Variants in ZNF385C observed in about 807,000 individuals in gnomAD.
ZNF385C encodes zinc finger protein 385C, also known as CTD-2132N18.2.
ZNF385C carries 28 observed loss-of-function variants against 35.4 expected under a neutral mutation model. The observed-to-expected ratio is 0.79, with a 90% confidence interval of 0.59 to 1.08. The LOEUF (loss-of-function observed/expected upper bound fraction) is 1.08, where lower values mean the gene tolerates loss of function less well. Ranked by LOEUF, ZNF385C falls within the 50% of genes least tolerant of loss-of-function variation. The probability of loss-of-function intolerance (pLI) is 0.00; values close to 1 mark genes in which losing one functional copy is unlikely to be tolerated. For missense variants in ZNF385C, 605 were observed against 595.6 expected, an observed-to-expected ratio of 1.02 and a Z score of -0.16; for synonymous variants, 248 against 248.2, an observed-to-expected ratio of 1.00 and a Z score of 0.01.
rs901268147 is a variant in ZNF385C at position 42,031,683 on chromosome 17, A to G, written c.612T>C (p.Asp204=). ...SKQRPHTQAQ[D]GAVVSPIPTL... ...TTGGGATTGGGGACACTACAGCCCC[A>G]TCCTGGGCCTGGGTGTGTGGCCTCT... is the stretch of plus-strand genomic sequence containing the variant. Residue 204 remains aspartate, a synonymous_variant, in exon 5 of 9, where the codon GAT becomes GAC. Coordinates refer to ENST00000692273, the MANE Select transcript of ZNF385C (RefSeq NM_001392013.1). The G allele has an allele frequency of 9.5e-5, 148 of 1,550,536 alleles. No individual in the cohort carries two copies. In the African/African-American group the frequency reaches 1.8e-3, roughly 19 times the overall value.
chr17:42,029,323 T>A (rs1359610237), intron 5 of ZNF385C, among the ~76,000 whole-genome samples: 1 of 152,082 alleles, frequency 6.6e-6, no homozygotes. Flanking sequence ...TAAACAGAGA[T>A]CACCAAAAAA....
intron 2 of ZNF385C, chr17:42,039,646 G>A (rs2052956806): frequency 8.2e-7 from 1 of 1,214,032 alleles, no homozygotes; most frequent in Admixed American, 4.2e-5. Context: ...TCAAGTCTAG[G>A]TTGGCCCTTA....
In ZNF385C at chr17:42,026,968, G is replaced by T. The variant is rs782308552; in HGVS notation, c.1441C>A (p.Pro481Thr). The T allele has an allele frequency of 1.2e-6, 2 of 1,612,058 alleles. No individual in the cohort carries two copies. Among genetic ancestry groups the T allele is most frequent in the East Asian group, 2.2e-5 (1 of 44,848 alleles). ...TTLFPAPILG[P>T]ALFRTPAGAV... is the part of the protein sequence containing the mutation. Reference sequence around the variant, plus strand: ...CCTGCTGGGGTGCGAAACAGAGCTGGGCCCAGGATGGGAGCCGGGAAGAGG... The same window carrying T: ...CCTGCTGGGGTGCGAAACAGAGCTGTGCCCAGGATGGGAGCCGGGAAGAGG... Residue 481 changes from proline to threonine, a missense_variant, in exon 9 of 9, where the codon CCA becomes ACA. Coordinates refer to ENST00000692273, the MANE Select transcript of ZNF385C (RefSeq NM_001392013.1).
In ZNF385C at chr17:42,041,159, CCT is replaced by C. The variant is rs1307700681; in HGVS notation, c.251-3276_251-3275del. ...GGGGATGCCTTCAGGCGCTGGCAGG[CCT>C]CTGTGTGCAAGACACTGGCAATGGC... On this transcript the variant is annotated intron_variant, in intron 2 of 8. Coordinates refer to ENST00000692273, the MANE Select transcript of ZNF385C (RefSeq NM_001392013.1). The C allele has an allele frequency of 4.9e-6, 6 of 1,232,210 alleles. No individual in the cohort carries two copies. In the African/African-American group the frequency reaches 9.3e-5, roughly 19 times the overall value. 76.3% of individuals were successfully genotyped at this position (1,232,210 alleles called of 1,614,324 possible).
intron 1 of ZNF385C, among the ~76,000 whole-genome samples, chr17:42,084,072 A>T (rs1444435568): frequency 1.3e-5 from 2 of 152,006 alleles, no homozygotes; most frequent in Non-Finnish European, 2.9e-5. Context: ...GGGTGAATGC[A>T]GTGGCTCACA....
intron 2 of ZNF385C, among the ~76,000 whole-genome samples, chr17:42,060,939 T>G (rs1200338711): frequency 2.0e-5 from 3 of 152,112 alleles, no homozygotes; most frequent in Non-Finnish European, 4.4e-5. Flanking sequence ...GGTCTCGAAC[T>G]CCTGAGCTCA....
chr17:42,055,712 T>C (rs1555657510), intron 2 of ZNF385C, among the ~76,000 whole-genome samples: 2 of 152,068 alleles, frequency 1.3e-5, no homozygotes, highest in Admixed American at 6.5e-5. Flanking sequence ...CTGAAATTAA[T>C]CCATCTGCAG....
intron 1 of ZNF385C, among the ~76,000 whole-genome samples, chr17:42,070,947 G>A (rs1466613309): frequency 6.6e-6 from 1 of 152,172 alleles, no homozygotes; most frequent in Non-Finnish European, 1.5e-5. Flanking sequence ...TCCCCAGGGC[G>A]AGGAAGGGGA....
chr17:42,068,046 C>T (rs1304765457), intron 1 of ZNF385C, among the ~76,000 whole-genome samples: 1 of 152,200 alleles, frequency 6.6e-6, no homozygotes, highest in African/African-American at 2.4e-5. Context: ...GTGTTCCCCC[C>T]AGCCAGGCTG....
At chr17:42,031,870 T>G in intron 4 of ZNF385C, 86 bp from the exon 5 acceptor site, 2 of 1,462,280 alleles carry the variant, frequency 1.4e-6, no homozygotes, top group Non-Finnish European at 1.8e-6. Flanking sequence ...GGGGGACAGG[T>G]CAAAGGGAGG....
intron 1 of ZNF385C, among the ~76,000 whole-genome samples, chr17:42,069,279 G>C (rs1197764729): frequency 6.6e-6 from 1 of 152,060 alleles, no homozygotes; most frequent in African/African-American, 2.4e-5. Context: ...GGGTGGGTTG[G>C]GGGGAGCACG....
At chr17:42,038,533 G>A (rs1403917932) in intron 2 of ZNF385C, 1 of 153,522 alleles carries the variant, frequency 6.5e-6, no homozygotes, top group Non-Finnish European at 1.4e-5. Context: ...GCAGTCTTTG[G>A]TCTTAAAGGT....
At chr17:42,070,357 A>T (rs1189167904) in intron 1 of ZNF385C, among the ~76,000 whole-genome samples, 2 of 152,188 alleles carry the variant, frequency 1.3e-5, no homozygotes, top group Admixed American at 6.6e-5. Flanking sequence ...AAAGTAAAAA[A>T]TAAAATAAAA....
chr17:42,090,444 G>C (rs1202660330), intron 1 of ZNF385C, among the ~76,000 whole-genome samples: 2 of 151,352 alleles, frequency 1.3e-5, no homozygotes, highest in Non-Finnish European at 1.5e-5. Flanking sequence ...GCGCCATCAC[G>C]CACTAATTTT....
intron 2 of ZNF385C, among the ~76,000 whole-genome samples, chr17:42,053,635 C>A (rs1157318382): frequency 6.6e-6 from 1 of 152,192 alleles, no homozygotes. Flanking sequence ...CTTTCTTTCA[C>A]CTTTGTTCTC....
rs2143478110 is a variant in ZNF385C at position 42,026,461 on chromosome 17, C to T, written c.*436G>A. The stretch of plus-strand genomic sequence containing the variant: ...TCACCTTGTCCTGACAGCCTTGAGC[C>T]TGCTGCAGCTAGAGACCCCATCCCT... On this transcript the variant is annotated 3_prime_UTR_variant, in exon 9 of 9. Transcript: ENST00000692273. 1 of 208,210 alleles carries T rather than the reference C, an allele frequency of 4.8e-6. No individual in the cohort carries two copies. The highest frequency in any genetic ancestry group is 9.8e-6 in the Non-Finnish European group (1 of 101,698). The allele number at this position is 208,210 out of a possible 1,614,324, so 12.9% of individuals were successfully genotyped here. A position where few individuals can be genotyped will look rare whatever the true frequency, so the allele number is the denominator to read the frequency against.
intron 1 of ZNF385C, among the ~76,000 whole-genome samples, chr17:42,069,963 A>C (rs530364420): frequency 6.6e-6 from 1 of 152,086 alleles, no homozygotes; most frequent in South Asian, 2.1e-4. Context: ...AATTGCTTGA[A>C]CCTGGGAGGC....
rs2053250575 is a variant in ZNF385C at position 42,050,147 on chromosome 17, C to A, written c.251-12262G>T. ...AGGTCTCCTCTCATTTCTCTCCACA[C>A]CCTGACCAGCCGGATGGGAGCAGGA... is the stretch of plus-strand genomic sequence containing the variant. On this transcript the variant is annotated intron_variant, in intron 2 of 8. Coordinates refer to ENST00000692273, the MANE Select transcript of ZNF385C (RefSeq NM_001392013.1). The surrounding 1 kb of genome is among the most constrained non-coding windows in gnomAD (Gnocchi z 5.6). 6.7e-6 allele frequency among the ~76,000 whole-genome samples: 1 copy of A among 150,040 alleles called. No homozygotes were observed. Among genetic ancestry groups the A allele is most frequent in the Non-Finnish European group, 1.5e-5 (1 of 67,164 alleles).
At chr17:42,096,693 A>G (rs2143967430) in intron 1 of ZNF385C, among the ~76,000 whole-genome samples, 1 of 152,218 alleles carries the variant, frequency 6.6e-6, no homozygotes, top group East Asian at 1.9e-4. Context: ...TGATGACAAG[A>G]GGGCATTTTT....
Sources: allele counts gnomAD v4.1 joint callset (sites outside exome capture counted in the v4.1 genomes callset), GRCh38; gene constraint gnomAD v4.1.1; non-coding constraint Gnocchi (gnomAD v3.1); transcripts MANE v1.5; gene names NCBI Gene and HGNC (gene_info 2026-07-23, HGNC 2026-07-21).